PPP1R1C: variants seen among roughly 807,000 people sequenced by gnomAD.
PPP1R1C encodes protein phosphatase 1 regulatory inhibitor subunit 1C, also known as protein phosphatase 1 regulatory subunit 1C.
A neutral mutation model predicts 17.4 loss-of-function variants in PPP1R1C; 15 were observed. The observed-to-expected ratio is 0.86, with a 90% CI of 0.58 to 1.33. The LOEUF is 1.33. Ranked by LOEUF, PPP1R1C falls within the 40% of genes most tolerant of loss-of-function variation. The probability of loss-of-function intolerance (pLI) is 0.00; values close to 1 mark genes in which losing one functional copy is unlikely to be tolerated. For synonymous variants in PPP1R1C, 35 were observed against 43.1 expected (o/e 0.81, Z 0.73); for missense variants, 143 against 130.0 (o/e 1.10, Z -0.48).
At chr2:181,997,470 T>G (rs1685648243) in intron 2 of PPP1R1C, among the ~76,000 whole-genome samples, 1 of 137,512 alleles carries the variant, frequency 7.3e-6, no homozygotes, top group Non-Finnish European at 1.6e-5. Flanking sequence ...AATAAGCTAA[T>G]AATAATTTTT....
downstream of PPP1R1C, among the ~76,000 whole-genome samples, chr2:182,121,066 AT>A (rs1489889425): frequency 3.3e-5 from 5 of 152,272 alleles, no homozygotes; most frequent in South Asian, 1.0e-3. Flanking sequence ...TTTCAAAAAA[AT>A]TTTTTTCTAG....
chr2:182,039,697 G>T lies in PPP1R1C; in HGVS notation c.143-21745G>T, dbSNP rs553975366. 7.2e-5 allele frequency among the ~76,000 whole-genome samples: 11 copies of T among 152,166 alleles called. No individual in the cohort carries two copies. In the South Asian group the frequency reaches 1.7e-3, roughly 23 times the overall value. On this transcript the variant is annotated intron_variant, in intron 2 of 4. Transcript: ENST00000682840. ...ACCACTCCTGGCACAAGGGGTTTTT[G>T]GTTACGTAGACGAATTGTATAGTGG...
At chr2:182,092,023 T>A (rs1311857963) in intron 4 of PPP1R1C, among the ~76,000 whole-genome samples, 1 of 152,210 alleles carries the variant, frequency 6.6e-6, no homozygotes, top group East Asian at 1.9e-4. Context: ...AATGTAGGGA[T>A]GAGTCTGAAA....
intron 2 of PPP1R1C, among the ~76,000 whole-genome samples, chr2:182,042,310 T>C (rs1451318268): frequency 6.6e-6 from 1 of 152,208 alleles, no homozygotes; most frequent in African/African-American, 2.4e-5. Flanking sequence ...TTAAAGTCTC[T>C]GGAATGCAGA....
At chr2:182,054,766 C>G (rs1687631116) in intron 2 of PPP1R1C, among the ~76,000 whole-genome samples, 1 of 152,034 alleles carries the variant, frequency 6.6e-6, no homozygotes, top group Admixed American at 6.6e-5. Flanking sequence ...GTTCAAGTGA[C>G]TGTCCTGCCT....
intron 2 of PPP1R1C, among the ~76,000 whole-genome samples, chr2:182,014,709 C>A (rs972749651): frequency 1.5e-4 from 23 of 151,986 alleles, no homozygotes; most frequent in African/African-American, 5.3e-4. Context: ...ACGTTAGTAA[C>A]CTACTTGGTG....
chr2:182,077,907 G>A (rs941482387), intron 4 of PPP1R1C, among the ~76,000 whole-genome samples: 11 of 152,202 alleles, frequency 7.2e-5, no homozygotes, highest in African/African-American at 2.7e-4. Flanking sequence ...CTTGCCGGGC[G>A]TGGTGGCTCA....
chr2:182,083,937 A>G (rs1688553482), intron 4 of PPP1R1C, among the ~76,000 whole-genome samples: 1 of 151,994 alleles, frequency 6.6e-6, no homozygotes, highest in Admixed American at 6.6e-5. Context: ...TTACTTTTTA[A>G]CTTTTTAATA....
rs532702237 is a variant in PPP1R1C at position 182,015,546 on chromosome 2, C to G, written c.142+27647C>G. Among the ~76,000 whole-genome samples the G allele has an allele frequency of 2.0e-5, 3 of 152,246 alleles. No individual in the cohort carries two copies. In the South Asian group the frequency reaches 6.2e-4, roughly 32 times the overall value. ...ATCTAAAGCTGACACAGCACTGGCT[C>G]TCACCTAAGGCCCATGGTGAATACT... On this transcript the variant is annotated intron_variant, in intron 2 of 4. Coordinates refer to ENST00000682840, the MANE Select transcript of PPP1R1C (RefSeq NM_001080545.3).
chr2:182,103,304 TA>T (rs1379523295), intron 4 of PPP1R1C, among the ~76,000 whole-genome samples: 1 of 152,234 alleles, frequency 6.6e-6, no homozygotes, highest in East Asian at 1.9e-4. Flanking sequence ...TTTTGTTTAA[TA>T]TTTTTTCTCT....
chr2:182,015,436 T>C (rs1686234669), intron 2 of PPP1R1C, among the ~76,000 whole-genome samples: 1 of 152,182 alleles, frequency 6.6e-6, no homozygotes, highest in South Asian at 2.1e-4. Context: ...GTCTCTGTTA[T>C]ATCTTTATCA....
chr2:182,082,979 T>C (rs936445172), intron 4 of PPP1R1C, among the ~76,000 whole-genome samples: 3 of 152,136 alleles, frequency 2.0e-5, no homozygotes, highest in African/African-American at 7.2e-5. Context: ...TTGGGAACAC[T>C]GTTAGATATG....
intron 1 of PPP1R1C, among the ~76,000 whole-genome samples, chr2:181,964,651 A>T (rs1437401247): frequency 6.6e-6 from 1 of 152,166 alleles, no homozygotes; most frequent in Non-Finnish European, 1.5e-5. Flanking sequence ...TCTTTTGGAA[A>T]AAAAGCCGTT....
At chr2:182,090,685 C>T (rs987014993) in intron 4 of PPP1R1C, among the ~76,000 whole-genome samples, 29 of 152,040 alleles carry the variant, frequency 1.9e-4, no homozygotes, top group African/African-American at 5.8e-4. Context: ...CAGCAATTTC[C>T]CTGAGAATAA....
At chr2:182,093,642 T>A (rs1688850707) in intron 4 of PPP1R1C, among the ~76,000 whole-genome samples, 1 of 152,232 alleles carries the variant, frequency 6.6e-6, no homozygotes, top group Non-Finnish European at 1.5e-5. Context: ...CTTAGAAATT[T>A]CTTCTGCCAG....
At chr2:182,111,914 CAA>C (rs755277866) in intron 4 of PPP1R1C, among the ~76,000 whole-genome samples, 1 of 151,986 alleles carries the variant, frequency 6.6e-6, no homozygotes, top group Non-Finnish European at 1.5e-5. Flanking sequence ...AATCTATTTG[CAA>C]AAAGTTTTTG....
intron 1 of PPP1R1C, among the ~76,000 whole-genome samples, chr2:181,960,454 T>A (rs142291096): frequency 5.5e-4 from 84 of 152,080 alleles, no homozygotes; most frequent in African/African-American, 2.0e-3. Flanking sequence ...AGAGAAAGAG[T>A]CTTGGCAATT....
upstream of PPP1R1C, among the ~76,000 whole-genome samples, chr2:181,983,081 T>G (rs1207852522): frequency 1.3e-5 from 2 of 152,202 alleles, no homozygotes; most frequent in Non-Finnish European, 2.9e-5. Flanking sequence ...TTGCTTCTCT[T>G]TCATTCATAT....
chr2:182,048,127 G>A (rs561103997), intron 2 of PPP1R1C, among the ~76,000 whole-genome samples: 1 of 152,156 alleles, frequency 6.6e-6, no homozygotes, highest in Non-Finnish European at 1.5e-5. Flanking sequence ...ATACAGCTGT[G>A]TGAATCTTGG....
Sources: gnomAD v4.1 joint callset for allele counts (sites outside exome capture counted in the v4.1 genomes callset) on GRCh38, gnomAD v4.1.1 for gene constraint, MANE v1.5 for transcripts, NCBI Gene and HGNC (gene_info 2026-07-23, HGNC 2026-07-21) for gene names.